Variants in GLS observed in about 807,000 individuals in gnomAD.
GLS encodes the protein glutaminase kidney isoform, mitochondrial.
Under a neutral mutation model 86.7 loss-of-function variants are expected in GLS, and 36 were observed. The observed-to-expected ratio is 0.42, with a 90% confidence interval of 0.32 to 0.55. GLS has a LOEUF of 0.55. Ranked by LOEUF, GLS falls within the 20% of genes least tolerant of loss-of-function variation. GLS has a pLI of 0.17. For synonymous variants in GLS, 317 were observed against 305.9 expected, an observed-to-expected ratio of 1.04 and a Z score of -0.38; for missense variants, 528 against 833.4, an observed-to-expected ratio of 0.63 and a Z score of 4.51.
chr2:190,957,218 G>A (rs1690881205), intron 17 of GLS, among the ~76,000 whole-genome samples: 1 of 152,194 alleles, frequency 6.6e-6, no homozygotes. Context: ...AGCCTCCCGA[G>A]TAGCTGGGAT....
chr2:190,935,523 T>A lies in GLS; in HGVS notation c.1650+3886T>A, dbSNP rs1414424494. 6.6e-6 allele frequency among the ~76,000 whole-genome samples: 1 copy of A among 151,296 alleles called. No individual in the cohort carries two copies. The highest frequency in any genetic ancestry group is 1.5e-5 in the Non-Finnish European group (1 of 67,332). On this transcript the variant is annotated intron_variant, in intron 14 of 17. Transcript: ENST00000320717. This position sits in a 1 kb window ranked among gnomAD's most constrained non-coding sequence, Gnocchi z 4.2. Reference sequence around the variant, plus strand: ...AGTGGTTTTTTTGGGAGGAGGACTTTTCTTATTGGTTGTACTAGAAGTATT... The same window carrying A: ...AGTGGTTTTTTTGGGAGGAGGACTTATCTTATTGGTTGTACTAGAAGTATT...
intron 17 of GLS, among the ~76,000 whole-genome samples, chr2:190,958,286 CT>C (rs1210804897): frequency 3.3e-5 from 5 of 152,122 alleles, no homozygotes; most frequent in African/African-American, 1.2e-4. Context: ...GTGATATCCC[CT>C]TTATCATTTT....
Position 190,897,574 on chromosome 2 carries a change from C to T in GLS, c.605+1849C>T, listed in dbSNP as rs1688788483. The stretch of plus-strand genomic sequence containing the variant: ...AAGTCTCTAGGGCATAATTATTTCT[C>T]TTTATTCTTAGAATGAGGTGGTTCA... On this transcript the variant is annotated intron_variant, in intron 3 of 17. Transcript: ENST00000320717. This position sits in a 1 kb window ranked among gnomAD's most constrained non-coding sequence, Gnocchi z 4.3. 6.6e-6 allele frequency among the ~76,000 whole-genome samples: 1 copy of T among 152,170 alleles called. No homozygotes were observed. The highest frequency in any genetic ancestry group is 1.5e-5 in the Non-Finnish European group (1 of 68,012).
At chr2:190,940,021 T>C (rs1429898609) in intron 14 of GLS, among the ~76,000 whole-genome samples, 1 of 151,874 alleles carries the variant, frequency 6.6e-6, no homozygotes, top group African/African-American at 2.4e-5. Context: ...CGTATCTTTA[T>C]ATATGTTCAC....
Position 190,949,946 on chromosome 2 carries a change from A to G in GLS, c.1651-3619A>G, listed in dbSNP as rs555541474. On this transcript the variant is annotated intron_variant, in intron 14 of 17. Coordinates refer to ENST00000320717, the MANE Select transcript of GLS (RefSeq NM_014905.5). The surrounding 1 kb of genome is among the most constrained non-coding windows in gnomAD (Gnocchi z 4.0). ...ATATAAAAATATATATACTTTATAT[A>G]TAGTTATATATAACAAATATAGTTA... Among the ~76,000 whole-genome samples the G allele has an allele frequency of 6.7e-6, 1 of 149,878 alleles. No homozygotes were observed. Among genetic ancestry groups the G allele is most frequent in the Non-Finnish European group, 1.5e-5 (1 of 67,614 alleles).
At position 190,913,473 on chromosome 2, in the gene GLS, ACTT is replaced by A; in HGVS notation, c.1038+3153_1038+3155del. On this transcript the variant is annotated intron_variant, in intron 7 of 17. Coordinates refer to ENST00000320717, the MANE Select transcript of GLS (RefSeq NM_014905.5). The surrounding 1 kb of genome is among the most constrained non-coding windows in gnomAD (Gnocchi z 6.1). The stretch of plus-strand genomic sequence containing the variant: ...CTCTTTTTCTCTGTGGTAGCTACTA[ACTT>A]TAAAGGAATACTTTTTGTTGTAATC... 1.0e-6 allele frequency: 1 copy of A among 966,022 alleles called. No homozygotes were observed. Among genetic ancestry groups the A allele is most frequent in the South Asian group, 3.7e-5 (1 of 27,208 alleles). The allele number at this position is 966,022 out of a possible 1,614,324, so 59.8% of individuals were successfully genotyped here. A position where few individuals can be genotyped will look rare whatever the true frequency, so the allele number is the denominator to read the frequency against.
rs1259397323 is a variant in GLS, at chr2:190,881,017, C to G, written c.-68C>G. Reference sequence around the variant, plus strand: ...CCGCCCCACCACAGACCGCGTTCCCCGAGGAAACCGGCCGCCCACGCCCGG... The same window carrying G: ...CCGCCCCACCACAGACCGCGTTCCCGGAGGAAACCGGCCGCCCACGCCCGG... On this transcript the variant is annotated 5_prime_UTR_variant, in exon 1 of 18. Transcript: ENST00000320717. 13 of 1,496,140 alleles carry G rather than the reference C, an allele frequency of 8.7e-6. No individual in the cohort carries two copies. Among genetic ancestry groups the G allele is most frequent in the Non-Finnish European group, 1.2e-5 (13 of 1,118,986 alleles). The allele number at this position is 1,496,140 out of a possible 1,614,324, so 92.7% of individuals were successfully genotyped here. A position where few individuals can be genotyped will look rare whatever the true frequency, so the allele number is the denominator to read the frequency against.
At chr2:190,934,066 C>G (rs1242734750) in intron 14 of GLS, 4 of 974,018 alleles carry the variant, frequency 4.1e-6, no homozygotes, top group Non-Finnish European at 4.9e-6. Context: ...ATTCACACTT[C>G]TTCCTTCTTC....
At position 190,954,561 on chromosome 2, in the gene GLS, TA is replaced by T. The variant is rs771865482; in HGVS notation, c.1713-22del. 1 of 1,544,192 alleles carries T rather than the reference TA, an allele frequency of 6.5e-7. No homozygotes were observed. The highest frequency in any genetic ancestry group is 8.9e-7 in the Non-Finnish European group (1 of 1,120,822). Reference sequence around the variant, plus strand: ...TTAAATTTGCTTTATATATAATAAATAGCTGTGCTTACACATTTTCAGATTT... The same window carrying T: ...TTAAATTTGCTTTATATATAATAAATGCTGTGCTTACACATTTTCAGATTT... On this transcript the variant is annotated intron_variant, in intron 15 of 17. Transcript: ENST00000320717. The surrounding 1 kb of genome is among the most constrained non-coding windows in gnomAD (Gnocchi z 4.0).
chr2:190,891,142 T>A (rs1247784576), intron 1 of GLS, among the ~76,000 whole-genome samples: 1 of 152,170 alleles, frequency 6.6e-6, no homozygotes, highest in Non-Finnish European at 1.5e-5. Context: ...GAAACTTTCT[T>A]GATTTCCCCT....
At chr2:190,917,930 A>G (rs1689595537) in intron 7 of GLS, among the ~76,000 whole-genome samples, 1 of 152,144 alleles carries the variant, frequency 6.6e-6, no homozygotes, top group African/African-American at 2.4e-5. Flanking sequence ...CTCTATTAAA[A>G]AACAAAATCT....
In GLS at chr2:190,920,141, T is replaced by C. The variant is rs1689685627; in HGVS notation, c.1039-883T>C. On this transcript the variant is annotated intron_variant, in intron 7 of 17. Transcript: ENST00000320717. This position sits in a 1 kb window ranked among gnomAD's most constrained non-coding sequence, Gnocchi z 4.2. ...CTTTAGTTGTCAAATTATTTTATTT[T>C]AAGCCTATTTTAGAAATTAGAGATG... 6.6e-6 allele frequency: 1 copy of C among 151,948 alleles called. No homozygotes were observed. Among genetic ancestry groups the C allele is most frequent in the African/African-American group, 2.4e-5 (1 of 41,436 alleles). The allele number at this position is 151,948 out of a possible 1,614,324, so 9.4% of individuals were successfully genotyped here.
At position 190,895,963 on chromosome 2, in the gene GLS, C is replaced by T; in HGVS notation, c.605+238C>T. Reference sequence around the variant, plus strand: ...TTTAGCCACCGATGTTTCCAGTTTACAGTACTTGGAGATTGCATTCAGTTT... The same window carrying T: ...TTTAGCCACCGATGTTTCCAGTTTATAGTACTTGGAGATTGCATTCAGTTT... On this transcript the variant is annotated intron_variant, in intron 3 of 17. Transcript: ENST00000320717. This position sits in a 1 kb window ranked among gnomAD's most constrained non-coding sequence, Gnocchi z 4.2. 1 of 274,972 alleles carries T rather than the reference C, an allele frequency of 3.6e-6. No homozygotes were observed. Among genetic ancestry groups the T allele is most frequent in the Non-Finnish European group, 7.0e-6 (1 of 142,904 alleles). 17.0% of individuals were successfully genotyped at this position (274,972 alleles called of 1,614,324 possible).
intron 1 of GLS, among the ~76,000 whole-genome samples, chr2:190,886,132 A>G (rs138380040): frequency 1.3e-5 from 2 of 152,142 alleles, no homozygotes; most frequent in African/African-American, 2.4e-5. Flanking sequence ...CGGCCTCCCA[A>G]ATTGCTGGGA....
rs1339635917 is a variant in GLS, at chr2:190,956,114, T to G, written c.1853+1296T>G. ...ATAGTTTCTTTTGCTGTGCAGAAGC[T>G]CTTTAGTTTAATTAGATCCCATTTA... On this transcript the variant is annotated intron_variant, in intron 17 of 17. Coordinates refer to ENST00000320717, the MANE Select transcript of GLS (RefSeq NM_014905.5). The surrounding 1 kb of genome is among the most constrained non-coding windows in gnomAD (Gnocchi z 4.2). Among the ~76,000 whole-genome samples, 1 of 152,214 alleles carries G rather than the reference T, an allele frequency of 6.6e-6. No individual in the cohort carries two copies. Among genetic ancestry groups the G allele is most frequent in the Non-Finnish European group, 1.5e-5 (1 of 68,034 alleles).
Position 190,881,042 on chromosome 2 carries a change from G to C in GLS, c.-43G>C, listed in dbSNP as rs906385430. 1.3e-6 allele frequency: 2 copies of C among 1,526,994 alleles called. No homozygotes were observed. Among genetic ancestry groups the C allele is most frequent in the East Asian group, 2.5e-5 (1 of 40,188 alleles). The allele number at this position is 1,526,994 out of a possible 1,614,324, so 94.6% of individuals were successfully genotyped here. ...CGAGGAAACCGGCCGCCCACGCCCG[G>C]AGCATCCTCCCCTGTTGAGCGGGCG... is the stretch of plus-strand genomic sequence containing the variant. On this transcript the variant is annotated 5_prime_UTR_variant, in exon 1 of 18. Coordinates refer to ENST00000320717, the MANE Select transcript of GLS (RefSeq NM_014905.5).
At chr2:190,933,925 T>C (rs1690189492) in intron 14 of GLS, 2 of 918,112 alleles carry the variant, frequency 2.2e-6, no homozygotes, top group South Asian at 5.0e-5. Context: ...TTATTTGGTA[T>C]AAAAATGCAA....
At position 190,931,667 on chromosome 2, in the gene GLS, A is replaced by G. The variant is rs752651321; in HGVS notation, c.1650+30A>G. On this transcript the variant is annotated intron_variant, in intron 14 of 17. Transcript: ENST00000320717. ...GCAAAATTCTTATTTAGATAAGTATATAAAATTTTTAAGAAGAGAAAAAGT... is the reference window on the plus strand; with the variant it reads ...GCAAAATTCTTATTTAGATAAGTATGTAAAATTTTTAAGAAGAGAAAAAGT... The G allele has an allele frequency of 9.3e-6, 10 of 1,074,882 alleles. No individual in the cohort carries two copies. In the East Asian group the frequency reaches 9.7e-5, roughly 10 times the overall value. 66.6% of individuals were successfully genotyped at this position (1,074,882 alleles called of 1,614,324 possible). A position where few individuals can be genotyped will look rare whatever the true frequency, so the allele number is the denominator to read the frequency against.
Position 190,949,519 on chromosome 2 carries a change from C to T in GLS, c.1651-4046C>T, listed in dbSNP as rs1303790003. 6.6e-6 allele frequency among the ~76,000 whole-genome samples: 1 copy of T among 152,044 alleles called. No individual in the cohort carries two copies. The highest frequency in any genetic ancestry group is 1.5e-5 in the Non-Finnish European group (1 of 68,020). On this transcript the variant is annotated intron_variant, in intron 14 of 17. Transcript: ENST00000320717. The surrounding 1 kb of genome is among the most constrained non-coding windows in gnomAD (Gnocchi z 4.0). ...GACCAGCCTGGCCAACCTAGTGAAACCCCGTCTCTACCAAAAACTACAAAA... is the reference window on the plus strand; with the variant it reads ...GACCAGCCTGGCCAACCTAGTGAAATCCCGTCTCTACCAAAAACTACAAAA...
Sources: gnomAD v4.1 joint callset for allele counts (sites outside exome capture counted in the v4.1 genomes callset) on GRCh38, gnomAD v4.1.1 for gene constraint, Gnocchi (gnomAD v3.1) non-coding constraint, MANE v1.5 for transcripts, NCBI Gene and HGNC (gene_info 2026-07-23, HGNC 2026-07-21) for gene names.